Variants in LRRC4C observed in about 807,000 individuals in gnomAD.
LRRC4C encodes the protein leucine-rich repeat-containing protein 4C.
LRRC4C carries 5 observed loss-of-function variants against 33.6 expected under a neutral mutation model. The observed-to-expected ratio is 0.15, with a 90% confidence interval of 0.08 to 0.31. The LOEUF (loss-of-function observed/expected upper bound fraction) is 0.31. Among genes scored for constraint, LRRC4C ranks in the 10% least tolerant of loss-of-function variants. LRRC4C has a pLI of 1.00. For missense variants in LRRC4C, 560 were observed against 796.7 expected (o/e 0.70, Z 3.58); for synonymous variants, 329 against 302.0 (o/e 1.09, Z -0.93).
At chr11:40,630,849 A>C (rs1053352476) in intron 3 of LRRC4C, among the ~76,000 whole-genome samples, 3 of 152,190 alleles carry the variant, frequency 2.0e-5, no homozygotes, top group Non-Finnish European at 4.4e-5. Context: ...TTTGTAAGAC[A>C]TAGAGAGTTT....
At chr11:40,795,192 C>T (rs868631758) in intron 2 of LRRC4C, among the ~76,000 whole-genome samples, 7 of 152,132 alleles carry the variant, frequency 4.6e-5, no homozygotes, top group Admixed American at 2.0e-4. Flanking sequence ...AATTGCCAGA[C>T]ATAGAATCTT....
At chr11:40,877,584 C>T (rs1037957394) in intron 2 of LRRC4C, among the ~76,000 whole-genome samples, 1 of 152,160 alleles carries the variant, frequency 6.6e-6, no homozygotes, top group African/African-American at 2.4e-5. Context: ...GGAACAGCAG[C>T]CTCTCCTAAA....
At chr11:40,690,215 G>A (rs938248438) in intron 2 of LRRC4C, among the ~76,000 whole-genome samples, 1 of 152,046 alleles carries the variant, frequency 6.6e-6, no homozygotes, top group African/African-American at 2.4e-5. Context: ...TTTTTTATGA[G>A]TTTTTCACGT....
chr11:40,699,591 T>C (rs1945762796), intron 2 of LRRC4C, among the ~76,000 whole-genome samples: 1 of 152,196 alleles, frequency 6.6e-6, no homozygotes, highest in Non-Finnish European at 1.5e-5. Flanking sequence ...TCTACAAGTG[T>C]ATTCATTTAA....
chr11:40,912,513 A>T (rs1428462128), intron 2 of LRRC4C, among the ~76,000 whole-genome samples: 5 of 152,218 alleles, frequency 3.3e-5, no homozygotes, highest in Non-Finnish European at 2.9e-5. Context: ...TTTTGTCACC[A>T]CCAGGCCTGC....
intron 2 of LRRC4C, among the ~76,000 whole-genome samples, chr11:40,783,769 A>T (rs556866915): frequency 4.6e-5 from 7 of 152,334 alleles, no homozygotes; most frequent in East Asian, 3.9e-4. Flanking sequence ...TATGGAGAAC[A>T]TAAGTGTCAA....
At chr11:40,635,597 C>T (rs922545568) in intron 3 of LRRC4C, among the ~76,000 whole-genome samples, 1 of 148,060 alleles carries the variant, frequency 6.8e-6, no homozygotes, top group Non-Finnish European at 1.5e-5. Context: ...TATAAAGATG[C>T]TATTCACTCC....
intron 2 of LRRC4C, among the ~76,000 whole-genome samples, chr11:40,657,357 A>G (rs1445325162): frequency 6.6e-6 from 1 of 152,216 alleles, no homozygotes; most frequent in African/African-American, 2.4e-5. Flanking sequence ...AATATGTGCT[A>G]CACTGTAAGA....
At chr11:41,436,857 G>C (rs1955445911) in intron 1 of LRRC4C, among the ~76,000 whole-genome samples, 1 of 152,136 alleles carries the variant, frequency 6.6e-6, no homozygotes, top group South Asian at 2.1e-4. Context: ...CCTGAAATGA[G>C]ATTTCAATGC....
intron 5 of LRRC4C, among the ~76,000 whole-genome samples, chr11:40,215,217 T>C (rs1863889639): frequency 6.6e-6 from 1 of 152,202 alleles, no homozygotes. Context: ...TAAAATTCTC[T>C]ACACTATAAT....
intron 4 of LRRC4C, among the ~76,000 whole-genome samples, chr11:40,261,412 T>C (rs1941819022): frequency 6.6e-6 from 1 of 152,140 alleles, no homozygotes; most frequent in Admixed American, 6.6e-5. Context: ...AGATCATTTG[T>C]TAAGGCCGAT....
intron 2 of LRRC4C, among the ~76,000 whole-genome samples, chr11:40,705,384 G>A (rs1327539434): frequency 6.6e-6 from 1 of 151,808 alleles, no homozygotes; most frequent in Non-Finnish European, 1.5e-5. Context: ...AGGGCCGGGT[G>A]TGTGATGTTC....
chr11:40,476,339 C>CTTTTTTCTTTCT (rs376644704), intron 3 of LRRC4C, among the ~76,000 whole-genome samples: 2 of 121,576 alleles, frequency 1.6e-5, no homozygotes, highest in Non-Finnish European at 3.3e-5. Flanking sequence ...CATTTTTTTT[C>CTTTTTTCTTTCT]TTCTTTTTTT....
intron 5 of LRRC4C, among the ~76,000 whole-genome samples, chr11:40,230,098 TG>T (rs1197736202): frequency 6.6e-6 from 1 of 152,180 alleles, no homozygotes; most frequent in Non-Finnish European, 1.5e-5. Context: ...AGACTCCCCT[TG>T]GAAGTACTAA....
At chr11:40,783,881 A>C (rs1950311101) in intron 2 of LRRC4C, among the ~76,000 whole-genome samples, 1 of 152,152 alleles carries the variant, frequency 6.6e-6, no homozygotes, top group South Asian at 2.1e-4. Context: ...GCCCAGAATT[A>C]TTTTGTAAAA....
chr11:41,077,195 A>G (rs1303429729), intron 1 of LRRC4C, among the ~76,000 whole-genome samples: 1 of 152,132 alleles, frequency 6.6e-6, no homozygotes, highest in Non-Finnish European at 1.5e-5. Flanking sequence ...CAGTCAGTGG[A>G]TCTAGCATTC....
chr11:40,590,592 T>C (rs1200325628), intron 3 of LRRC4C, among the ~76,000 whole-genome samples: 1 of 152,094 alleles, frequency 6.6e-6, no homozygotes, highest in Non-Finnish European at 1.5e-5. Context: ...TTCTGTTTTT[T>C]CCCCATCTTT....
intron 2 of LRRC4C, among the ~76,000 whole-genome samples, chr11:40,716,383 A>C (rs1032267719): frequency 8.5e-5 from 13 of 152,258 alleles, no homozygotes; most frequent in Non-Finnish European, 1.5e-4. Flanking sequence ...TATCAGTTTC[A>C]TATTGAGATT....
chr11:40,741,383 TC>T (rs377079028), intron 2 of LRRC4C, among the ~76,000 whole-genome samples: 15 of 152,012 alleles, frequency 9.9e-5, no homozygotes, highest in African/African-American at 2.7e-4. Flanking sequence ...AGACTTGAAG[TC>T]TTCAATTCCA....
Sources: allele counts gnomAD v4.1 joint callset (sites outside exome capture counted in the v4.1 genomes callset), GRCh38; gene constraint gnomAD v4.1.1; transcripts MANE v1.5; gene names NCBI Gene and HGNC (gene_info 2026-07-23, HGNC 2026-07-21).